The following WDR19 variants were observed in gnomAD, a reference collection of about 807,000 sequenced individuals.
WDR19 encodes the protein WD repeat domain 19.
In WDR19, 121 loss-of-function variants were observed where a neutral mutation model predicts 180.0. The ratio of observed to expected loss-of-function variants is 0.67; its 90% CI spans 0.58 to 0.78. The LOEUF (loss-of-function observed/expected upper bound fraction) is 0.78. Among genes scored for constraint, WDR19 ranks in the 30% least tolerant of loss-of-function variants. The pLI is 0.00. For missense variants in WDR19, 1,450 were observed against 1,640.7 expected, an observed-to-expected ratio of 0.88 and a Z score of 2.01; for synonymous variants, 497 against 540.7, an observed-to-expected ratio of 0.92 and a Z score of 1.12.
Position 39,254,008 on chromosome 4 carries a change from G to A in WDR19, c.2979G>A (p.Met993Ile), listed in dbSNP as rs1289762811. The change falls in exon 26 of 37, where the codon ATG becomes ATA. Residue 993 changes from methionine to isoleucine, a missense_variant. Physicochemically the swap from Met to Ile is conservative, Grantham distance 10 (BLOSUM62 1). Coordinates refer to ENST00000399820, the MANE Select transcript of WDR19 (RefSeq NM_025132.4). Reference sequence around the variant, plus strand: ...CACTGGCTCAGCAACACAACAAAATGGAAATCTATGCAGATATTATTGGTA... The same window carrying A: ...CACTGGCTCAGCAACACAACAAAATAGAAATCTATGCAGATATTATTGGTA... ...AFTLAQQHNK[M>I]EIYADIIGSE... 3 of 1,611,210 alleles carry A rather than the reference G, an allele frequency of 1.9e-6. No homozygotes were observed. The African/African-American group carries it at 4.0e-5, about 22-fold the overall frequency.
At chr4:39,267,008 A>AACCTT (rs1734864828) in intron 29 of WDR19, among the ~76,000 whole-genome samples, 2 of 152,222 alleles carry the variant, frequency 1.3e-5, no homozygotes, top group African/African-American at 4.8e-5. Context: ...GCTTGAAGCC[A>AACCTT]GGAGGCAGAG....
chr4:39,225,148 T>C (rs932238945), intron 15 of WDR19, 115 bp downstream of exon 15: 7 of 759,748 alleles, frequency 9.2e-6, no homozygotes, highest in Middle Eastern at 4.2e-4. Context: ...GGATTGTAGT[T>C]CTTTGCTGTC....
In WDR19 at chr4:39,236,557, C is replaced by G. The variant is rs1355572868; in HGVS notation, c.2363+1682C>G. 2.0e-5 allele frequency among the ~76,000 whole-genome samples: 3 copies of G among 152,316 alleles called. No individual in the cohort carries two copies. In the East Asian group the frequency reaches 5.8e-4, roughly 29 times the overall value. ...TACACTTAAAGTCCAGACTTCACCA[C>G]TACCCAATATATGCATGCAAAGACC... On this transcript the variant is annotated intron_variant, in intron 20 of 36. Coordinates refer to ENST00000399820, the MANE Select transcript of WDR19 (RefSeq NM_025132.4).
chr4:39,235,048 G>C (rs373059829), intron 20 of WDR19, among the ~76,000 whole-genome samples, 173 bp downstream of exon 20: 27 of 152,132 alleles, frequency 1.8e-4, no homozygotes, highest in African/African-American at 5.5e-4. Flanking sequence ...TCTTATCCAT[G>C]CATTATCCAC....
chr4:39,190,034 G>T (rs1156248470), intron 4 of WDR19, among the ~76,000 whole-genome samples: 1 of 152,194 alleles, frequency 6.6e-6, no homozygotes, highest in African/African-American at 2.4e-5. Flanking sequence ...ATATATATGG[G>T]AAAATCCAGA....
Position 39,194,595 on chromosome 4 carries a change from TG to T in WDR19, c.344del (p.Gly115GlufsTer41), listed in dbSNP as rs1161096907. The T allele has an allele frequency of 6.2e-7, 1 of 1,613,434 alleles. No homozygotes were observed. On this transcript the variant is annotated frameshift_variant, in exon 5 of 37. Transcript: ENST00000399820. LOFTEE classifies it high-confidence loss of function. ...WSKVGSFLAV[G>X]TVKGNLLIYN... ...CAAAAGTTGGAAGTTTCCTGGCTGT[TG>T]GAACTGTTAAAGGAAATTTGCTTAT...
chr4:39,233,718 A>G lies in WDR19; in HGVS notation c.2254-1048A>G, dbSNP rs1489234822. Among the ~76,000 whole-genome samples the G allele has an allele frequency of 3.3e-5, 5 of 152,240 alleles. No individual in the cohort carries two copies. In the East Asian group the frequency reaches 9.6e-4, roughly 29 times the overall value. ...TTATAAGAAAAATTTAGGTAATTTT[A>G]CAGTATTATTTAAGATAATTGGGAC... On this transcript the variant is annotated intron_variant, in intron 19 of 36. Transcript: ENST00000399820.
At chr4:39,228,896 A>G (rs933972082) in intron 17 of WDR19, among the ~76,000 whole-genome samples, 1 of 151,622 alleles carries the variant, frequency 6.6e-6, no homozygotes, top group African/African-American at 2.4e-5. Flanking sequence ...TAATGTACCC[A>G]TCACCAGAAT....
At chr4:39,226,804 C>G (rs1730311569) in intron 15 of WDR19, among the ~76,000 whole-genome samples, 1 of 152,118 alleles carries the variant, frequency 6.6e-6, no homozygotes, top group Non-Finnish European at 1.5e-5. Context: ...TTTCTATTAG[C>G]TACATTTTTA....
intron 12 of WDR19, among the ~76,000 whole-genome samples, chr4:39,216,651 C>A (rs1560502502): frequency 6.6e-6 from 1 of 152,156 alleles, no homozygotes; most frequent in Admixed American, 6.5e-5. Context: ...CTAGTGGGTA[C>A]TTAATAAATG....
intron 29 of WDR19, among the ~76,000 whole-genome samples, chr4:39,267,137 T>C (rs1183150564): frequency 1.3e-5 from 2 of 152,226 alleles, no homozygotes; most frequent in African/African-American, 2.4e-5. Context: ...AATATGCGAC[T>C]CACTGTGGCT....
intron 17 of WDR19, among the ~76,000 whole-genome samples, chr4:39,231,026 G>A (rs923762427): frequency 3.9e-5 from 6 of 152,058 alleles, no homozygotes; most frequent in Non-Finnish European, 7.4e-5. Flanking sequence ...TAAAGAGTGG[G>A]CTGGGCCGGG....
At chr4:39,207,025 C>T (rs1046076633) in intron 9 of WDR19, among the ~76,000 whole-genome samples, 2 of 152,042 alleles carry the variant, frequency 1.3e-5, no homozygotes, top group African/African-American at 4.8e-5. Context: ...CAGGAAATAA[C>T]AATAAAAAAA....
Position 39,228,299 on chromosome 4 carries a change from T to C in WDR19, c.1719T>C (p.Phe573=). The change falls in exon 16 of 37, where the codon TTT becomes TTC. Residue 573 remains phenylalanine, a synonymous_variant. Coordinates refer to ENST00000399820, the MANE Select transcript of WDR19 (RefSeq NM_025132.4). ...WENWPMDKGV[F]IAYDDDKVYT... ...ACTGGCCAATGGATAAAGGTGTATT[T>C]ATTGCTTATGATGATGATAAGGTGT... 2.5e-6 allele frequency: 4 copies of C among 1,613,552 alleles called. No individual in the cohort carries two copies. The highest frequency in any genetic ancestry group is 3.4e-6 in the Non-Finnish European group (4 of 1,179,644).
At chr4:39,206,378 G>A (rs1487578825) in intron 9 of WDR19, among the ~76,000 whole-genome samples, 8 of 152,158 alleles carry the variant, frequency 5.3e-5, no homozygotes, top group Admixed American at 2.6e-4. Flanking sequence ...GGACCCACAG[G>A]CACCTAAAAC....
At chr4:39,238,151 A>G (rs1178934086) in intron 20 of WDR19, among the ~76,000 whole-genome samples, 1 of 152,232 alleles carries the variant, frequency 6.6e-6, no homozygotes, top group Non-Finnish European at 1.5e-5. Context: ...TTGTGATAAT[A>G]GGAACTAACC....
chr4:39,215,297 CTTTG>C (rs750072379), intron 10 of WDR19, among the ~76,000 whole-genome samples: 20,149 of 134,886 alleles, frequency 0.15, 1,453 homozygotes, highest in African/African-American at 0.23. Context: ...ACTACCTTTT[CTTTG>C]TTTCTTTCTT....
chr4:39,276,910 T>C, intron 33 of WDR19, 110 bp from the exon 34 acceptor site: 1 of 1,357,674 alleles, frequency 7.4e-7, no homozygotes, highest in African/African-American at 1.4e-5. Flanking sequence ...AGAGTCTGAC[T>C]ATGAAGTAGG....
In WDR19 at chr4:39,216,024, G is replaced by C; in HGVS notation, c.1134+11G>C. On this transcript the variant is annotated intron_variant, in intron 11 of 36. Coordinates refer to ENST00000399820, the MANE Select transcript of WDR19 (RefSeq NM_025132.4). Reference sequence around the variant, plus strand: ...AACCCTGTTGAAGGAGTATGAAAATGGTGTTATTTTTCTTTTATTTATTAA... The same window carrying C: ...AACCCTGTTGAAGGAGTATGAAAATCGTGTTATTTTTCTTTTATTTATTAA... The C allele has an allele frequency of 6.4e-7, 1 of 1,558,910 alleles. No homozygotes were observed. The highest frequency in any genetic ancestry group is 1.2e-5 in the South Asian group (1 of 82,260).
Sources: allele counts gnomAD v4.1 joint callset (sites outside exome capture counted in the v4.1 genomes callset), GRCh38; gene constraint gnomAD v4.1.1; transcripts MANE v1.5; gene names NCBI Gene and HGNC (gene_info 2026-07-23, HGNC 2026-07-21).